Variants in MALRD1 observed in about 807,000 individuals in gnomAD.
The protein encoded by MALRD1 is MAM and LDL receptor class A domain containing 1.
A neutral mutation model predicts 242.1 loss-of-function variants in MALRD1; 247 were observed. The observed-to-expected ratio is 1.02, with a 90% CI of 0.92 to 1.13. The LOEUF (loss-of-function observed/expected upper bound fraction) is 1.13. Among genes scored for constraint, MALRD1 ranks in the 50% most tolerant of loss-of-function variants. The pLI is 0.00. For missense variants in MALRD1, 2,989 were observed against 2,533.1 expected, an observed-to-expected ratio of 1.18 and a Z score of -3.86; for synonymous variants, 995 against 866.6, an observed-to-expected ratio of 1.15 and a Z score of -2.60.
At chr10:19,522,918 A>C (rs368896270) in intron 31 of MALRD1, among the ~76,000 whole-genome samples, 3 of 152,318 alleles carry the variant, frequency 2.0e-5, no homozygotes, top group East Asian at 3.9e-4. Context: ...TTCTACATCC[A>C]AATGAAAGAC....
chr10:19,631,163 G>A (rs1419637915), intron 36 of MALRD1, among the ~76,000 whole-genome samples: 1 of 151,982 alleles, frequency 6.6e-6, no homozygotes, highest in Non-Finnish European at 1.5e-5. Flanking sequence ...CCTTCAAGTA[G>A]GCCCCAGTGT....
chr10:19,122,462 T>A (rs1410065251), intron 5 of MALRD1, among the ~76,000 whole-genome samples: 1 of 152,024 alleles, frequency 6.6e-6, no homozygotes, highest in Non-Finnish European at 1.5e-5. Context: ...AAGTGAATAT[T>A]TACATGACAG....
At chr10:19,196,647 C>T (rs188769284) in intron 14 of MALRD1, among the ~76,000 whole-genome samples, 19 of 151,326 alleles carry the variant, frequency 1.3e-4, no homozygotes, top group African/African-American at 3.9e-4. Flanking sequence ...TTCATACATA[C>T]AGCTCTTGAC....
intron 24 of MALRD1, among the ~76,000 whole-genome samples, chr10:19,341,497 T>A: frequency 7.0e-6 from 1 of 142,916 alleles, no homozygotes; most frequent in Non-Finnish European, 1.5e-5. Context: ...TATATATGTA[T>A]ATATGTATAT....
At chr10:19,425,704 G>A (rs1833879228) in intron 28 of MALRD1, among the ~76,000 whole-genome samples, 1 of 152,086 alleles carries the variant, frequency 6.6e-6, no homozygotes, top group South Asian at 2.1e-4. Context: ...AAGTAAGAGG[G>A]AAAAGAATTC....
At chr10:19,725,730 A>G (rs1834991938) in intron 38 of MALRD1, among the ~76,000 whole-genome samples, 1 of 152,342 alleles carries the variant, frequency 6.6e-6, no homozygotes, top group South Asian at 2.1e-4. Context: ...GGCATGAGGC[A>G]TGAGAACAGA....
intron 2 of MALRD1, among the ~76,000 whole-genome samples, chr10:19,077,233 A>G (rs920984681): frequency 1.3e-5 from 2 of 152,084 alleles, no homozygotes; most frequent in African/African-American, 4.8e-5. Context: ...ACTCTCATCT[A>G]AGGACTGAGT....
chr10:19,207,871 A>G (rs1464117010), intron 17 of MALRD1, among the ~76,000 whole-genome samples: 1 of 152,208 alleles, frequency 6.6e-6, no homozygotes, highest in East Asian at 1.9e-4. Context: ...GAACAATTAT[A>G]ACAATATGCC....
intron 36 of MALRD1, among the ~76,000 whole-genome samples, chr10:19,656,999 A>G (rs1285520808): frequency 1.3e-5 from 2 of 152,198 alleles, no homozygotes; most frequent in Non-Finnish European, 2.9e-5. Flanking sequence ...ACCAATGTAG[A>G]TACGGATCGA....
At chr10:19,176,249 G>C (rs1437477478) in intron 14 of MALRD1, among the ~76,000 whole-genome samples, 3 of 151,828 alleles carry the variant, frequency 2.0e-5, no homozygotes, top group Non-Finnish European at 4.4e-5. Context: ...GAGCTGAATG[G>C]ACTAATCAAG....
intron 12 of MALRD1, among the ~76,000 whole-genome samples, chr10:19,161,847 G>A (rs1834435351): frequency 6.6e-6 from 1 of 152,014 alleles, no homozygotes; most frequent in African/African-American, 2.4e-5. Flanking sequence ...GGCCAACATG[G>A]TAAAACCCCA....
chr10:19,391,400 G>T (rs571626464), intron 28 of MALRD1, among the ~76,000 whole-genome samples: 3 of 152,260 alleles, frequency 2.0e-5, no homozygotes, highest in African/African-American at 7.2e-5. Flanking sequence ...TTACAGAGTA[G>T]TTATTTGGCT....
intron 19 of MALRD1, among the ~76,000 whole-genome samples, chr10:19,259,462 G>A (rs540087481): frequency 2.0e-5 from 3 of 152,130 alleles, no homozygotes; most frequent in Admixed American, 1.3e-4. Context: ...TGAAGGAGGA[G>A]CAAAGTCAAG....
chr10:19,623,729 C>A (rs1839512819), intron 36 of MALRD1, among the ~76,000 whole-genome samples: 1 of 152,084 alleles, frequency 6.6e-6, no homozygotes, highest in African/African-American at 2.4e-5. Context: ...CTCCCTTCAC[C>A]TTTTTATTCT....
chr10:19,347,484 T>C (rs1446149112), intron 24 of MALRD1, among the ~76,000 whole-genome samples: 2 of 152,134 alleles, frequency 1.3e-5, no homozygotes, highest in East Asian at 3.9e-4. Context: ...ATAAATAAAT[T>C]ATATTGACCA....
intron 31 of MALRD1, among the ~76,000 whole-genome samples, chr10:19,506,044 C>T (rs747046883): frequency 9.2e-5 from 14 of 152,100 alleles, no homozygotes; most frequent in East Asian, 7.7e-4. Flanking sequence ...AAGAATTCTG[C>T]GTGGGATTCC....
At chr10:19,269,923 C>T (rs563975265) in intron 19 of MALRD1, among the ~76,000 whole-genome samples, 1 of 152,204 alleles carries the variant, frequency 6.6e-6, no homozygotes, top group Non-Finnish European at 1.5e-5. Context: ...AGTATGAACT[C>T]ATCGGTCTCT....
rs779111291 is a variant in MALRD1, at chr10:19,347,733, T to C, written c.3902-38T>C. ...TTGCATGTTTTAAAGTAGGCAAATT[T>C]CCATTTTCTGTAACATATATTTGGA... On this transcript the variant is annotated intron_variant, in intron 24 of 39. Transcript: ENST00000454679. 64 of 1,544,558 alleles carry C rather than the reference T, an allele frequency of 4.1e-5. No homozygotes were observed. In the South Asian group the frequency reaches 7.6e-4, roughly 18 times the overall value.
chr10:19,098,348 A>T (rs1303908888), intron 4 of MALRD1, among the ~76,000 whole-genome samples: 2 of 152,192 alleles, frequency 1.3e-5, no homozygotes, highest in Non-Finnish European at 2.9e-5. Context: ...TTGATATTTC[A>T]TCGAGAAATG....
Sources: allele counts gnomAD v4.1 joint callset (sites outside exome capture counted in the v4.1 genomes callset), GRCh38; gene constraint gnomAD v4.1.1; transcripts MANE v1.5; gene names NCBI Gene and HGNC (gene_info 2026-07-23, HGNC 2026-07-21).